HDAC4: variants seen among roughly 807,000 people sequenced by gnomAD.
The protein encoded by HDAC4 is histone deacetylase 4.
HDAC4 carries 16 observed loss-of-function variants against 135.1 expected under a neutral mutation model. The observed-to-expected ratio is 0.12, with a 90% CI of 0.08 to 0.18. The LOEUF is 0.18. Among genes scored for constraint, HDAC4 ranks in the 10% least tolerant of loss-of-function variants. The pLI is 1.00. For synonymous variants in HDAC4, 685 were observed against 653.4 expected (o/e 1.05, Z -0.74); for missense variants, 1,143 against 1,511.8 (o/e 0.76, Z 4.05).
chr2:239,140,932 A>C (rs1286993341), intron 8 of HDAC4: 1 of 458,486 alleles, frequency 2.2e-6, no homozygotes, highest in Non-Finnish European at 4.5e-6. Flanking sequence ...CCCGAGCCAC[A>C]GTGAGGAGGA....
intron 2 of HDAC4, among the ~76,000 whole-genome samples, chr2:239,318,121 G>C (rs927130725): frequency 1.3e-5 from 2 of 152,076 alleles, no homozygotes; most frequent in Non-Finnish European, 2.9e-5. Flanking sequence ...GTCAGTGCTC[G>C]GGGAGTAGCA....
At chr2:239,198,786 C>G (rs507159) in intron 3 of HDAC4, among the ~76,000 whole-genome samples, 84,708 of 152,020 alleles carry the variant, frequency 0.56, 25,464 homozygotes, top group Non-Finnish European at 0.66. Flanking sequence ...ATATTTTTAT[C>G]TTTCATGAGA....
intron 1 of HDAC4, among the ~76,000 whole-genome samples, chr2:239,371,758 G>A (rs1189947405): frequency 5.3e-5 from 8 of 152,218 alleles, no homozygotes; most frequent in Non-Finnish European, 1.5e-5. Flanking sequence ...TGTCGGCGTG[G>A]CCCGGGCCTT....
intron 12 of HDAC4, among the ~76,000 whole-genome samples, chr2:239,123,873 G>A (rs1037430943): frequency 6.6e-6 from 1 of 152,198 alleles, no homozygotes; most frequent in South Asian, 2.1e-4. Flanking sequence ...TCCTGTCTAC[G>A]TGTGCTAGGA....
chr2:239,231,181 C>T (rs1236773242), intron 3 of HDAC4, among the ~76,000 whole-genome samples: 1 of 152,180 alleles, frequency 6.6e-6, no homozygotes, highest in Non-Finnish European at 1.5e-5. Flanking sequence ...CTGACAGATA[C>T]ACGTTTCCCA....
At position 239,245,241 on chromosome 2, in the gene HDAC4, T is replaced by C. The variant is rs2048400042; in HGVS notation, c.23-8577A>G. On this transcript the variant is annotated intron_variant, in intron 2 of 26. Transcript: ENST00000543185. The surrounding 1 kb of genome is among the most constrained non-coding windows in gnomAD (Gnocchi z 4.4). ...TCAAAACTAGCTGTAGCTGCCGGCT[T>C]ACAGGAAGTACGGGTTTGGCAGAAC... is the stretch of plus-strand genomic sequence containing the variant. 6.6e-6 allele frequency among the ~76,000 whole-genome samples: 1 copy of C among 152,182 alleles called. No individual in the cohort carries two copies. The highest frequency in any genetic ancestry group is 6.5e-5 in the Admixed American group (1 of 15,278).
At chr2:239,288,335 G>C (rs1418541907) in intron 2 of HDAC4, among the ~76,000 whole-genome samples, 1 of 152,188 alleles carries the variant, frequency 6.6e-6, no homozygotes. Flanking sequence ...AATAACCTAT[G>C]TCAAACATCA....
At chr2:239,128,100 C>G (rs1276604640) in intron 11 of HDAC4, among the ~76,000 whole-genome samples, 26 of 152,206 alleles carry the variant, frequency 1.7e-4, no homozygotes, top group Non-Finnish European at 1.5e-5. Context: ...AAACCACCAT[C>G]CCTTTTCACC....
chr2:239,051,713 G>T lies in HDAC4; in HGVS notation c.*1384C>A, dbSNP rs2030880908. The T allele has an allele frequency of 6.6e-6, 1 of 152,546 alleles. No homozygotes were observed. The highest frequency in any genetic ancestry group is 2.1e-4 in the South Asian group (1 of 4,830). The allele number at this position is 152,546 out of a possible 1,614,324, so 9.4% of individuals were successfully genotyped here. ...TAGTTGCCCAGTGGCGAATGTGTTGGCGATCTGAAATCTAGCCAATCTGGA... is the reference window on the plus strand; with the variant it reads ...TAGTTGCCCAGTGGCGAATGTGTTGTCGATCTGAAATCTAGCCAATCTGGA... On this transcript the variant is annotated 3_prime_UTR_variant, in exon 27 of 27. Coordinates refer to ENST00000543185, the MANE Select transcript of HDAC4 (RefSeq NM_001378414.1).
At chr2:239,320,593 C>G (rs1157544155) in intron 2 of HDAC4, among the ~76,000 whole-genome samples, 1 of 152,124 alleles carries the variant, frequency 6.6e-6, no homozygotes, top group Non-Finnish European at 1.5e-5. Flanking sequence ...ACTTTTCTAG[C>G]TATTAATTAT....
chr2:239,194,750 C>T (rs1341337677), intron 3 of HDAC4, among the ~76,000 whole-genome samples: 1 of 152,238 alleles, frequency 6.6e-6, no homozygotes, highest in Non-Finnish European at 1.5e-5. Flanking sequence ...GCTTCCTACT[C>T]CTCCAGGCCC....
Position 239,115,099 on chromosome 2 carries a change from T to C in HDAC4, c.1745A>G (p.Glu582Gly). ...EEEAEPPREVEPGQRQPSEQE... is the reference protein window; with the variant it reads ...EEEAEPPREVGPGQRQPSEQE... ...CTCACTGGGCTGGCGCTGGCCCGGCTCCACCTCCCGTGGGGGCTCTGCCTC... is the reference window on the plus strand; with the variant it reads ...CTCACTGGGCTGGCGCTGGCCCGGCCCCACCTCCCGTGGGGGCTCTGCCTC... Residue 582 changes from glutamate (E) to glycine (G), a missense_variant, in exon 13 of 27, where the codon GAG becomes GGG. Around this residue, in one of 9 missense-constraint regions of HDAC4, gnomAD observed 196 missense variants for 210.7 expected, o/e 0.93. Transcript: ENST00000543185. This position sits in a 1 kb window ranked among gnomAD's most constrained non-coding sequence, Gnocchi z 6.3. 6.2e-7 allele frequency: 1 copy of C among 1,611,696 alleles called. No homozygotes were observed. The highest frequency in any genetic ancestry group is 8.5e-7 in the Non-Finnish European group (1 of 1,179,918).
chr2:239,235,045 A>C (rs1267436078), intron 3 of HDAC4, among the ~76,000 whole-genome samples: 2 of 152,170 alleles, frequency 1.3e-5, no homozygotes, highest in Non-Finnish European at 1.5e-5. Context: ...ATAAGCCAAA[A>C]TTTTAAAATT....
chr2:239,172,293 AATATATAT>A (rs1252131295), intron 5 of HDAC4, among the ~76,000 whole-genome samples: 1 of 115,058 alleles, frequency 8.7e-6, no homozygotes, highest in Non-Finnish European at 1.9e-5. Flanking sequence ...GGTGAAAAAA[AATATATAT>A]ATATATATAT....
rs1348462157 is a variant in HDAC4 at position 239,274,624 on chromosome 2, G to A, written c.23-37960C>T. On this transcript the variant is annotated intron_variant, in intron 2 of 26. Coordinates refer to ENST00000543185, the MANE Select transcript of HDAC4 (RefSeq NM_001378414.1). ...TTTGCCTACCTCGAAAATAACCAAA[G>A]CAAAGCAAGCCAGTGAAGCTGGGGG... Among the ~76,000 whole-genome samples, 4 of 152,198 alleles carry A rather than the reference G, an allele frequency of 2.6e-5. No homozygotes were observed. In the East Asian group the frequency reaches 7.7e-4, roughly 29 times the overall value.
At chr2:239,369,342 A>G (rs1694442633) in intron 1 of HDAC4, among the ~76,000 whole-genome samples, 1 of 152,154 alleles carries the variant, frequency 6.6e-6, no homozygotes. Flanking sequence ...TGGTGGCAGC[A>G]AGCCGACTGC....
intron 1 of HDAC4, among the ~76,000 whole-genome samples, chr2:239,373,117 G>T (rs752901322): frequency 6.6e-6 from 1 of 152,144 alleles, no homozygotes. Context: ...CCCTGGGAGT[G>T]GGGGCTGAGT....
chr2:239,315,767 G>C (rs918207381), intron 2 of HDAC4, among the ~76,000 whole-genome samples: 2 of 152,118 alleles, frequency 1.3e-5, no homozygotes, highest in South Asian at 2.1e-4. Context: ...CAAACGAATT[G>C]GGGATGCAAA....
intron 17 of HDAC4, chr2:239,093,969 G>A (rs775541345): frequency 2.0e-5 from 20 of 985,194 alleles, no homozygotes; most frequent in Middle Eastern, 5.2e-4. Context: ...TCTTTCTGAC[G>A]GGATAATTTT....
Sources: allele counts gnomAD v4.1 joint callset (sites outside exome capture counted in the v4.1 genomes callset), GRCh38; gene constraint gnomAD v4.1.1; regional missense constraint gnomAD v4.1.1; non-coding constraint Gnocchi (gnomAD v3.1); transcripts MANE v1.5; gene names NCBI Gene and HGNC (gene_info 2026-07-23, HGNC 2026-07-21).